NDST4: variants seen among roughly 807,000 people sequenced by gnomAD.
The protein encoded by NDST4 is N-deacetylase and N-sulfotransferase 4.
NDST4 carries 63 observed loss-of-function variants against 100.8 expected under a neutral mutation model. That is an observed-to-expected ratio of 0.62 (90% confidence interval 0.51 to 0.77). The LOEUF (loss-of-function observed/expected upper bound fraction) is 0.77. NDST4 is among the 30% of genes least tolerant of loss of function. NDST4 has a pLI of 0.00. For missense variants in NDST4, 943 were observed against 1,018.4 expected (o/e 0.93, Z 1.01); for synonymous variants, 377 against 361.8 (o/e 1.04, Z -0.48).
At chr4:114,879,585 A>G (rs1453772858) in intron 6 of NDST4, among the ~76,000 whole-genome samples, 1 of 152,158 alleles carries the variant, frequency 6.6e-6, no homozygotes, top group African/African-American at 2.4e-5. Context: ...ATTACATTTT[A>G]ATCTCCTTGA....
At chr4:114,867,665 C>CAAAAAAAAAAAAAAAAAAAAAAA in intron 7 of NDST4, among the ~76,000 whole-genome samples, 143 of 79,836 alleles carry the variant, frequency 1.8e-3, no homozygotes, top group South Asian at 6.3e-3. Context: ...AAAAAAAAAG[C>CAAAAAAAAAAAAAAAAAAAAAAA]AAAAAAAAAA....
chr4:114,991,178 G>A (rs986068487), intron 2 of NDST4, among the ~76,000 whole-genome samples: 1 of 151,992 alleles, frequency 6.6e-6, no homozygotes, highest in Non-Finnish European at 1.5e-5. Flanking sequence ...ATAGACAGTC[G>A]ATCAATCTCT....
chr4:115,011,409 C>T (rs1727542213), intron 2 of NDST4, among the ~76,000 whole-genome samples: 1 of 151,860 alleles, frequency 6.6e-6, no homozygotes, highest in Admixed American at 6.6e-5. Context: ...ACTTCATGCA[C>T]CATCAAACTT....
At chr4:114,845,401 C>A (rs906687970) in intron 10 of NDST4, among the ~76,000 whole-genome samples, 1 of 152,040 alleles carries the variant, frequency 6.6e-6, no homozygotes, top group Non-Finnish European at 1.5e-5. Flanking sequence ...TTTAGCTGTG[C>A]CTTTTCTTCA....
At chr4:114,993,660 C>T (rs963123185) in intron 2 of NDST4, among the ~76,000 whole-genome samples, 5 of 151,908 alleles carry the variant, frequency 3.3e-5, no homozygotes, top group Admixed American at 6.6e-5. Flanking sequence ...AAGGCAACTG[C>T]TCATCTAGGT....
intron 7 of NDST4, among the ~76,000 whole-genome samples, chr4:114,856,045 G>A (rs80184562): frequency 1.4e-3 from 206 of 151,596 alleles, no homozygotes; most frequent in African/African-American, 4.6e-3. Flanking sequence ...GTTGAGATAA[G>A]CCCCTTCCTT....
chr4:114,937,220 A>G, intron 5 of NDST4, 98 bp downstream of exon 5: 1 of 1,213,638 alleles, frequency 8.2e-7, no homozygotes, highest in Non-Finnish European at 1.2e-6. Flanking sequence ...ATCATGTAAA[A>G]GAGGTTCGAG....
At chr4:115,046,619 ATGTGTG>A (rs36211109) in intron 2 of NDST4, among the ~76,000 whole-genome samples, 2,857 of 150,668 alleles carry the variant, frequency 0.019, 91 homozygotes, top group African/African-American at 0.066. Context: ...TCCCTGTGTG[ATGTGTG>A]TGTGTGTGTG....
At chr4:114,944,297 C>A (rs1189486123) in intron 4 of NDST4, among the ~76,000 whole-genome samples, 1 of 152,068 alleles carries the variant, frequency 6.6e-6, no homozygotes, top group Non-Finnish European at 1.5e-5. Flanking sequence ...TATGCAATGC[C>A]ATCTAAAGTT....
At chr4:114,857,737 T>G (rs1258095222) in intron 7 of NDST4, among the ~76,000 whole-genome samples, 1 of 152,156 alleles carries the variant, frequency 6.6e-6, no homozygotes, top group Non-Finnish European at 1.5e-5. Flanking sequence ...TGGATAGACT[T>G]ATAGCCAAAG....
chr4:114,865,210 A>G (rs111793122), intron 7 of NDST4, among the ~76,000 whole-genome samples: 1 of 151,878 alleles, frequency 6.6e-6, no homozygotes, highest in Non-Finnish European at 1.5e-5. Flanking sequence ...GACTGCAGGC[A>G]CACACCACCA....
At chr4:114,844,704 A>G (rs1216152484) in intron 10 of NDST4, among the ~76,000 whole-genome samples, 2 of 152,204 alleles carry the variant, frequency 1.3e-5, no homozygotes. Flanking sequence ...TTACTATTTT[A>G]TTAATTAAAA....
chr4:114,944,023 A>T (rs1725808061), intron 4 of NDST4, among the ~76,000 whole-genome samples: 1 of 152,214 alleles, frequency 6.6e-6, no homozygotes, highest in Non-Finnish European at 1.5e-5. Context: ...ATTGAAGCAG[A>T]GAGGAGATTT....
At position 115,078,336 on chromosome 4, in the gene NDST4, G is replaced by A. The variant is rs74787014; in HGVS notation, c.-246-1054C>T. On this transcript the variant is annotated intron_variant, in intron 1 of 13. Coordinates refer to ENST00000264363, the MANE Select transcript of NDST4 (RefSeq NM_022569.3). Reference sequence around the variant, plus strand: ...GTGTGTTTAGAAGACAGGAAGATGAGGATATGTTTGGAACTTCCTAGAGAC... The same window carrying A: ...GTGTGTTTAGAAGACAGGAAGATGAAGATATGTTTGGAACTTCCTAGAGAC... 3.5e-3 allele frequency among the ~76,000 whole-genome samples: 535 copies of A among 152,148 alleles called. 4 individuals are homozygous for A. Among genetic ancestry groups the A allele is most frequent in the African/African-American group, 0.012 (509 of 41,504 alleles).
chr4:115,009,859 T>A, intron 2 of NDST4, among the ~76,000 whole-genome samples: 1 of 81,548 alleles, frequency 1.2e-5, no homozygotes, highest in Non-Finnish European at 2.4e-5. Flanking sequence ...AACAACCCCA[T>A]CAAAAAGTGG....
intron 2 of NDST4, among the ~76,000 whole-genome samples, chr4:115,028,208 A>G (rs756153708): frequency 5.3e-5 from 8 of 152,110 alleles, no homozygotes; most frequent in Admixed American, 1.3e-4. Context: ...TAGATGTTGG[A>G]AGTGATGGAG....
At position 115,077,254 on chromosome 4, in the gene NDST4, G is replaced by A. The variant is rs1729208755; in HGVS notation, c.-218C>T. The A allele has an allele frequency of 2.6e-6, 1 of 384,662 alleles. No individual in the cohort carries two copies. The highest frequency in any genetic ancestry group is 4.7e-6 in the Non-Finnish European group (1 of 214,446). 23.8% of individuals were successfully genotyped at this position (384,662 alleles called of 1,614,324 possible). A position where few individuals can be genotyped will look rare whatever the true frequency, so the allele number is the denominator to read the frequency against. ...AGATTTTGAATATGTCCAATACTGA[G>A]AATTGCTGCAGAATCCTCTAAGCAT... is the stretch of plus-strand genomic sequence containing the variant. On this transcript the variant is annotated 5_prime_UTR_variant, in exon 2 of 14. Transcript: ENST00000264363.
At chr4:115,035,420 G>A (rs990184054) in intron 2 of NDST4, among the ~76,000 whole-genome samples, 1 of 152,008 alleles carries the variant, frequency 6.6e-6, no homozygotes, top group Non-Finnish European at 1.5e-5. Flanking sequence ...TGTGATCATA[G>A]GATTGGAGTT....
At chr4:115,069,901 A>C (rs1477602701) in intron 2 of NDST4, among the ~76,000 whole-genome samples, 1 of 152,146 alleles carries the variant, frequency 6.6e-6, no homozygotes, top group African/African-American at 2.4e-5. Context: ...TAAATAAATA[A>C]AAATAAAAGT....
Sources: gnomAD v4.1 joint callset for allele counts (sites outside exome capture counted in the v4.1 genomes callset) on GRCh38, gnomAD v4.1.1 for gene constraint, MANE v1.5 for transcripts, NCBI Gene and HGNC (gene_info 2026-07-23, HGNC 2026-07-21) for gene names.